The following SARS1 variants were observed in gnomAD, a reference collection of about 807,000 sequenced individuals.
SARS1 encodes the protein serine--tRNA ligase, cytoplasmic.
SARS1 carries 25 observed loss-of-function variants against 63.7 expected under a neutral mutation model. The observed-to-expected ratio is 0.39, with a 90% confidence interval of 0.29 to 0.55. The LOEUF (loss-of-function observed/expected upper bound fraction) is 0.55, where lower values mean the gene tolerates loss of function less well. Among genes scored for constraint, SARS1 ranks in the 20% least tolerant of loss-of-function variants. SARS1 has a pLI of 0.62. For missense variants in SARS1, 417 were observed against 649.7 expected (o/e 0.64, Z 3.89); for synonymous variants, 231 against 243.5 (o/e 0.95, Z 0.48).
At chr1:109,223,569 C>T (rs626784) in intron 1 of SARS1, among the ~76,000 whole-genome samples, 13,643 of 152,222 alleles carry the variant, frequency 0.09, 791 homozygotes, top group Middle Eastern at 0.12. Flanking sequence ...CGCCTGTAAT[C>T]CCAGCACTTT....
Position 109,237,377 on chromosome 1 carries a change from A to G in SARS1, c.1387+4A>G. The G allele has an allele frequency of 6.2e-7, 1 of 1,614,194 alleles. No individual in the cohort carries two copies. The highest frequency in any genetic ancestry group is 1.7e-5 in the Admixed American group (1 of 60,014). On this transcript the variant is annotated splice_donor_region_variant and intron_variant, in intron 10 of 10. Coordinates refer to ENST00000234677, the MANE Select transcript of SARS1 (RefSeq NM_006513.4). The surrounding 1 kb of genome is among the most constrained non-coding windows in gnomAD (Gnocchi z 4.1). Reference sequence around the variant, plus strand: ...TTGAAGGAGTTCATGCCGCCAGGTAAAACTCCCAGCTCATCTCATCGTTCT... The same window carrying G: ...TTGAAGGAGTTCATGCCGCCAGGTAGAACTCCCAGCTCATCTCATCGTTCT...
intron 1 of SARS1, among the ~76,000 whole-genome samples, chr1:109,223,441 C>T (rs138057870): frequency 5.3e-5 from 8 of 152,290 alleles, no homozygotes; most frequent in African/African-American, 1.7e-4. Context: ...TAATTTTAAC[C>T]TCAGATTGGT....
At chr1:109,221,994 ATATATATATATATATATTTTTTTT>A (rs1654945017) in intron 1 of SARS1, among the ~76,000 whole-genome samples, 10 of 23,520 alleles carry the variant, frequency 4.3e-4, no homozygotes, top group East Asian at 2.3e-3. Flanking sequence ...ATATATATAT[ATATATATATATATATATTTTTTTT>A]TTTTTTTTTT....
chr1:109,218,230 G>A (rs1411489434), intron 1 of SARS1, among the ~76,000 whole-genome samples: 1 of 149,850 alleles, frequency 6.7e-6, no homozygotes, highest in Non-Finnish European at 1.5e-5. Context: ...AGCCAGGCGT[G>A]GTGGCGGGCG....
intron 1 of SARS1, among the ~76,000 whole-genome samples, chr1:109,221,978 A>G (rs1471892916): frequency 0.07 from 181 of 2,582 alleles, no homozygotes; most frequent in South Asian, 0.32. Context: ...GTGTATATAT[A>G]TATATATATA....
intron 1 of SARS1, among the ~76,000 whole-genome samples, chr1:109,218,406 CTTTTT>C (rs34756917): frequency 8.4e-6 from 1 of 118,680 alleles, no homozygotes; most frequent in African/African-American, 3.1e-5. Flanking sequence ...AGATATTTTA[CTTTTT>C]TTTTTTTTTT....
chr1:109,236,287 C>G, intron 8 of SARS1, 104 bp from the exon 9 acceptor site: 1 of 1,348,752 alleles, frequency 7.4e-7, no homozygotes. Context: ...GTGATTTCAC[C>G]TCTGGAGACA....
intron 2 of SARS1, among the ~76,000 whole-genome samples, chr1:109,225,864 A>G (rs1380564481): frequency 2.6e-5 from 4 of 152,216 alleles, no homozygotes; most frequent in Non-Finnish European, 4.4e-5. Flanking sequence ...GGAGCCTGGT[A>G]ACTATCTTGC....
chr1:109,234,231 C>T (rs1280823090), intron 6 of SARS1, among the ~76,000 whole-genome samples: 2 of 152,070 alleles, frequency 1.3e-5, no homozygotes, highest in South Asian at 4.2e-4. Context: ...ACCAAGTTGT[C>T]CAGGCTGGTC....
chr1:109,228,315 T>A, intron 2 of SARS1, 37 bp from the exon 3 acceptor site: 1 of 1,456,082 alleles, frequency 6.9e-7, no homozygotes, highest in East Asian at 2.3e-5. Flanking sequence ...GAGATTTTCT[T>A]TTATTTATTT....
intron 1 of SARS1, among the ~76,000 whole-genome samples, chr1:109,219,977 C>T (rs140193296): frequency 7.7e-4 from 117 of 152,098 alleles, no homozygotes; most frequent in African/African-American, 2.6e-3. Flanking sequence ...GGGTTGTTAC[C>T]GGTTGAGGGC....
At chr1:109,227,629 C>T in intron 2 of SARS1, among the ~76,000 whole-genome samples, 1 of 151,950 alleles carries the variant, frequency 6.6e-6, no homozygotes, top group African/African-American at 2.4e-5. Context: ...GGGCCGGGTG[C>T]AGTGGCTCAC....
intron 1 of SARS1, among the ~76,000 whole-genome samples, chr1:109,218,647 G>A (rs1482695447): frequency 2.0e-5 from 3 of 152,128 alleles, no homozygotes; most frequent in South Asian, 2.1e-4. Flanking sequence ...AGGGCCTCCC[G>A]CTCTTTGCTC....
chr1:109,230,665 A>T (rs1206908236), intron 4 of SARS1, among the ~76,000 whole-genome samples: 4 of 152,064 alleles, frequency 2.6e-5, no homozygotes, highest in African/African-American at 9.7e-5. Context: ...AAATTAGCCG[A>T]GCATAGTGTT....
intron 8 of SARS1, 139 bp downstream of exon 8, chr1:109,236,245 T>C (rs1401934942): frequency 7.8e-7 from 1 of 1,277,796 alleles, no homozygotes; most frequent in Non-Finnish European, 1.1e-6. Flanking sequence ...CTCTTCTCAC[T>C]TGGGAGTATT....
intron 6 of SARS1, among the ~76,000 whole-genome samples, chr1:109,234,347 A>C (rs1655267116): frequency 6.6e-6 from 1 of 152,126 alleles, no homozygotes; most frequent in Non-Finnish European, 1.5e-5. Context: ...TCATTATATC[A>C]AAAGTATTTT....
chr1:109,224,797 T>C (rs1251897086), intron 2 of SARS1, among the ~76,000 whole-genome samples: 1 of 152,104 alleles, frequency 6.6e-6, no homozygotes, highest in Non-Finnish European at 1.5e-5. Flanking sequence ...CCCTTAATCA[T>C]ATTACATTAC....
At chr1:109,231,830 G>A (rs766233761) in intron 6 of SARS1, 44 bp downstream of exon 6, 19 of 1,425,840 alleles carry the variant, frequency 1.3e-5, no homozygotes, top group South Asian at 3.2e-5. Context: ...CTTAAGTTAT[G>A]TAGCTTAACT....
In SARS1 at chr1:109,235,577, G is replaced by T; in HGVS notation, c.969+146G>T. ...CTCTGTGTTTCTGGGGAAGTGCATG[G>T]TGGAGTGGCGTGGATTATGGACCCT... On this transcript the variant is annotated intron_variant, in intron 7 of 10. Transcript: ENST00000234677. This position sits in a 1 kb window ranked among gnomAD's most constrained non-coding sequence, Gnocchi z 4.7. 2.9e-6 allele frequency: 2 copies of T among 694,490 alleles called. No homozygotes were observed. The highest frequency in any genetic ancestry group is 4.8e-6 in the Non-Finnish European group (2 of 415,020). 43.0% of individuals were successfully genotyped at this position (694,490 alleles called of 1,614,324 possible). A position where few individuals can be genotyped will look rare whatever the true frequency, so the allele number is the denominator to read the frequency against.
Sources: allele counts gnomAD v4.1 joint callset (sites outside exome capture counted in the v4.1 genomes callset), GRCh38; gene constraint gnomAD v4.1.1; non-coding constraint Gnocchi (gnomAD v3.1); transcripts MANE v1.5; gene names NCBI Gene and HGNC (gene_info 2026-07-23, HGNC 2026-07-21).